The following CUX1 variants were observed in gnomAD, a reference collection of about 807,000 sequenced individuals.
CUX1 encodes the protein cut like homeobox 1, also known as protein CASP.
A neutral mutation model predicts 158.8 loss-of-function variants in CUX1; 31 were observed. That is an observed-to-expected ratio of 0.20 (90% confidence interval 0.15 to 0.26). CUX1 has a LOEUF of 0.26. CUX1 is among the 10% of genes least tolerant of loss of function. The pLI, the probability that CUX1 is intolerant of heterozygous loss-of-function variation, is 1.00. For synonymous variants in CUX1, 879 were observed against 862.1 expected (o/e 1.02, Z -0.34); for missense variants, 1,589 against 2,014.6 (o/e 0.79, Z 4.04).
In CUX1 at chr7:102,065,054, G is replaced by A. The variant is rs78141794; in HGVS notation, c.190-5285G>A. 1.2e-3 allele frequency among the ~76,000 whole-genome samples: 181 copies of A among 152,244 alleles called. 1 individual carries two copies. Among genetic ancestry groups the A allele is most frequent in the African/African-American group, 4.1e-3 (169 of 41,542 alleles). ...CAGACTGGGTGAGCTGCAGAGGGAG[G>A]ATGGACTAAACTCCAACTTCAGGGT... is the stretch of plus-strand genomic sequence containing the variant. On this transcript the variant is annotated intron_variant, in intron 3 of 23. Coordinates refer to ENST00000292535, the MANE Select transcript of CUX1 (RefSeq NM_181552.4).
Position 102,250,954 on chromosome 7 carries a change from T to C in CUX1, c.*1912T>C, listed in dbSNP as rs1801449261. 2.1e-6 allele frequency: 2 copies of C among 966,036 alleles called. No individual in the cohort carries two copies. The highest frequency in any genetic ancestry group is 9.6e-5 in the South Asian group (2 of 20,906). The allele number at this position is 966,036 out of a possible 1,614,324, so 59.8% of individuals were successfully genotyped here. On this transcript the variant is annotated 3_prime_UTR_variant, in exon 24 of 24. Transcript: ENST00000292535. ...GCCATATCTTTAAACTAACAATAGA[T>C]GATTTCGGTATATATATATATTTTT... is the stretch of plus-strand genomic sequence containing the variant.
intron 1 of CUX1, among the ~76,000 whole-genome samples, chr7:101,858,554 C>T (rs1797120761): frequency 6.6e-6 from 1 of 151,708 alleles, no homozygotes; most frequent in Non-Finnish European, 1.5e-5. Context: ...TGACTTTGTT[C>T]TTAGCACCCA....
chr7:102,003,294 G>GC (rs1816922359), intron 2 of CUX1, among the ~76,000 whole-genome samples: 1 of 49,570 alleles, frequency 2.0e-5, no homozygotes. Flanking sequence ...ACCTGGTGCC[G>GC]AACACACACA....
chr7:102,055,269 GT>G (rs1039404235), intron 3 of CUX1, among the ~76,000 whole-genome samples: 8 of 151,494 alleles, frequency 5.3e-5, no homozygotes, highest in Non-Finnish European at 1.2e-4. Context: ...AAAGACAAAT[GT>G]TTTTTTACAG....
chr7:102,174,330 G>A (rs868984420), intron 10 of CUX1, among the ~76,000 whole-genome samples: 12 of 152,094 alleles, frequency 7.9e-5, no homozygotes, highest in African/African-American at 2.9e-4. Flanking sequence ...TGTTGGTCAG[G>A]CTGGTCTCAA....
At chr7:102,049,612 G>A (rs528921232) in intron 3 of CUX1, among the ~76,000 whole-genome samples, 1 of 152,108 alleles carries the variant, frequency 6.6e-6, no homozygotes, top group East Asian at 1.9e-4. Flanking sequence ...GGCCGAGGCA[G>A]GAGGATCACT....
chr7:101,870,479 AAG>A (rs1179338430), intron 1 of CUX1, among the ~76,000 whole-genome samples: 3 of 152,062 alleles, frequency 2.0e-5, no homozygotes, highest in Non-Finnish European at 4.4e-5. Context: ...TTTAGTTTTA[AAG>A]AGGGGGTGGT....
chr7:102,029,429 C>T (rs1820446020), intron 3 of CUX1, among the ~76,000 whole-genome samples: 1 of 151,978 alleles, frequency 6.6e-6, no homozygotes, highest in Non-Finnish European at 1.5e-5. Flanking sequence ...GTGATGTGGG[C>T]CTTATATATG....
chr7:102,266,488 T>C (rs972198412), intron 14 of CUX1, among the ~76,000 whole-genome samples: 1 of 151,624 alleles, frequency 6.6e-6, no homozygotes, highest in Non-Finnish European at 1.5e-5. Flanking sequence ...GAAGATCAAG[T>C]AGAAGATAAA....
In CUX1 at chr7:102,111,770, A is replaced by G. The variant is rs1680564089; in HGVS notation, c.603A>G (p.Gln201=). The change falls in exon 7 of 24, where the codon CAA becomes CAG. Residue 201 remains glutamine (Q), a synonymous_variant. Coordinates refer to ENST00000292535, the MANE Select transcript of CUX1 (RefSeq NM_181552.4). ...CTGAGCATAAGGTTCAGAGCCTACA[A>G]ACAGGTTTGATACTCTCCTTCCTAG... is the stretch of plus-strand genomic sequence containing the variant. The part of the protein sequence containing the change: ...EEAEHKVQSL[Q]TALEKTRTEL... The G allele has an allele frequency of 1.2e-6, 2 of 1,613,966 alleles. No individual in the cohort carries two copies. The highest frequency in any genetic ancestry group is 8.5e-7 in the Non-Finnish European group (1 of 1,179,826).
At chr7:101,867,862 T>G (rs1798092552) in intron 1 of CUX1, among the ~76,000 whole-genome samples, 1 of 152,012 alleles carries the variant, frequency 6.6e-6, no homozygotes, top group Admixed American at 6.6e-5. Context: ...TTGCCCAGGC[T>G]GGAGTGCAGT....
chr7:102,121,962 G>A (rs1441497082), intron 8 of CUX1, among the ~76,000 whole-genome samples: 3 of 152,108 alleles, frequency 2.0e-5, no homozygotes, highest in Non-Finnish European at 2.9e-5. Context: ...ACAAGCCCCC[G>A]TTGTATTTAC....
chr7:102,243,518 G>A (rs1396947854), intron 23 of CUX1, among the ~76,000 whole-genome samples: 2 of 151,626 alleles, frequency 1.3e-5, no homozygotes, highest in Non-Finnish European at 2.9e-5. Context: ...AGAAACGAGG[G>A]GCCGAGCACA....
chr7:102,216,623 ACACACACCCC>A (rs1563425534), intron 20 of CUX1, among the ~76,000 whole-genome samples: 2 of 89,338 alleles, frequency 2.2e-5, no homozygotes, highest in African/African-American at 8.7e-5. Flanking sequence ...CACTCCCCAC[ACACACACCCC>A]CACACACGCA....
upstream of CUX1, chr7:101,817,476 GTGCCGGGGCTCC>G: frequency 9.2e-7 from 1 of 1,084,926 alleles, no homozygotes; most frequent in Non-Finnish European, 1.1e-6. This position sits in a 1 kb window ranked among gnomAD's most constrained non-coding sequence, Gnocchi z 4.1. Context: ...CGGGGGGACC[GTGCCGGGGCTCC>G]CCGGCCCGCG....
intron 20 of CUX1, among the ~76,000 whole-genome samples, chr7:102,210,660 C>G (rs1368277921): frequency 6.6e-6 from 1 of 152,226 alleles, no homozygotes; most frequent in African/African-American, 2.4e-5. Flanking sequence ...ATACCCAGCT[C>G]TTTCCTGGCG....
chr7:102,273,970 G>A (rs1445154362), intron 15 of CUX1, among the ~76,000 whole-genome samples: 2 of 152,236 alleles, frequency 1.3e-5, no homozygotes, highest in African/African-American at 4.8e-5. Flanking sequence ...GGGAGGCCCA[G>A]GTGTCTGATG....
Position 102,116,443 on chromosome 7 carries a change from G to C in CUX1, c.674+1170G>C, listed in dbSNP as rs117098978. Among the ~76,000 whole-genome samples, 1,041 of 152,076 alleles carry C rather than the reference G, an allele frequency of 6.8e-3. 9 individuals are homozygous for C. Among genetic ancestry groups the C allele is most frequent in the Non-Finnish European group, 0.011 (720 of 68,014 alleles). The stretch of plus-strand genomic sequence containing the variant: ...ACCTGATTAAGCAACTTACTTACTT[G>C]CACTAAGTAGGTTGTTTTTCTCAGT... On this transcript the variant is annotated intron_variant, in intron 8 of 23. Coordinates refer to ENST00000292535, the MANE Select transcript of CUX1 (RefSeq NM_181552.4).
At chr7:102,017,290 C>CATAAAA in intron 2 of CUX1, among the ~76,000 whole-genome samples, 1 of 131,650 alleles carries the variant, frequency 7.6e-6, no homozygotes, top group Non-Finnish European at 1.6e-5. Flanking sequence ...GACTCCATCT[C>CATAAAA]AAAAAAAAAA....
Sources: allele counts gnomAD v4.1 joint callset (sites outside exome capture counted in the v4.1 genomes callset), GRCh38; gene constraint gnomAD v4.1.1; non-coding constraint Gnocchi (gnomAD v3.1); transcripts MANE v1.5; gene names NCBI Gene and HGNC (gene_info 2026-07-23, HGNC 2026-07-21).